MROH7: variants seen among roughly 807,000 people sequenced by gnomAD.
The protein encoded by MROH7 is maestro heat like repeat family member 7, also known as maestro heat-like repeat-containing protein family member 7.
Under a neutral mutation model 129.2 loss-of-function variants are expected in MROH7, and 113 were observed. The ratio of observed to expected loss-of-function variants is 0.87; its 90% CI spans 0.75 to 1.02. The LOEUF (loss-of-function observed/expected upper bound fraction) is 1.02. MROH7 is among the 50% of genes least tolerant of loss of function. The pLI is 0.00. For missense variants in MROH7, 1,601 were observed against 1,671.3 expected, an observed-to-expected ratio of 0.96 and a Z score of 0.73; for synonymous variants, 655 against 667.9, an observed-to-expected ratio of 0.98 and a Z score of 0.30.
chr1:54,665,225 C>T lies in MROH7; in HGVS notation c.1290C>T (p.Gly430=). The T allele has an allele frequency of 6.2e-7, 1 of 1,613,756 alleles. No individual in the cohort carries two copies. Among genetic ancestry groups the T allele is most frequent in the Non-Finnish European group, 8.5e-7 (1 of 1,179,814 alleles). Residue 430 remains glycine, a synonymous_variant, in exon 4 of 24, where the codon GGC becomes GGT. Transcript: ENST00000421030. ...LVKVPEKTEG[G]NNMALVENVT... ...AGGTGCCAGAGAAGACAGAAGGTGGCAACAACATGGCTCTGGTATGCCTCC... is the reference window on the plus strand; with the variant it reads ...AGGTGCCAGAGAAGACAGAAGGTGGTAACAACATGGCTCTGGTATGCCTCC...
At chr1:54,648,040 A>G (rs969516728) in intron 1 of MROH7, among the ~76,000 whole-genome samples, 4 of 151,506 alleles carry the variant, frequency 2.6e-5, no homozygotes, top group Middle Eastern at 3.2e-3. Context: ...CATACAATTT[A>G]TTTAATTATT....
At chr1:54,646,085 A>G (rs1006346186) in intron 1 of MROH7, among the ~76,000 whole-genome samples, 4 of 152,194 alleles carry the variant, frequency 2.6e-5, no homozygotes, top group African/African-American at 9.6e-5. Context: ...GCTCCTGTTT[A>G]TTCCTGCTGG....
At chr1:54,657,066 T>A (rs976585611) in intron 3 of MROH7, among the ~76,000 whole-genome samples, 82 of 150,158 alleles carry the variant, frequency 5.5e-4, no homozygotes, top group Non-Finnish European at 9.8e-4. Flanking sequence ...TTTTTTTTTT[T>A]AGACATGATC....
chr1:54,699,187 C>CTTTCTTTCTT (rs1553176969), intron 17 of MROH7: 6 of 75,968 alleles, frequency 7.9e-5, no homozygotes, highest in Admixed American at 1.3e-4. Flanking sequence ...TTCTTTCTTT[C>CTTTCTTTCTT]TCTTTCTTTC....
Position 54,669,698 on chromosome 1 carries a change from T to C in MROH7, c.1389+761T>C, listed in dbSNP as rs553720271. 3.9e-5 allele frequency among the ~76,000 whole-genome samples: 6 copies of C among 152,268 alleles called. No homozygotes were observed. The East Asian group carries it at 1.2e-3, about 29-fold the overall frequency. The stretch of plus-strand genomic sequence containing the variant: ...GCCACCACACCCAACTAATTCTGTA[T>C]CTTAAAGAAATGGACATTTGGCCAG... On this transcript the variant is annotated intron_variant, in intron 5 of 23. Transcript: ENST00000421030.
intron 21 of MROH7, among the ~76,000 whole-genome samples, chr1:54,705,496 A>G (rs941540260): frequency 6.6e-6 from 1 of 152,176 alleles, no homozygotes; most frequent in Non-Finnish European, 1.5e-5. Context: ...TCTGCTAGAA[A>G]CATCAAGGGT....
rs3765017 is a variant in MROH7 at position 54,702,721 on chromosome 1, A to G, written c.3540A>G (p.Thr1180=). 0.015 allele frequency: 24,481 copies of G among 1,613,410 alleles called. 1,617 individuals carry two copies. In the East Asian group the frequency reaches 0.21, roughly 14 times the overall value. ...SRKPWDNQQQ[T]VAKICKCLVN... is the part of the protein sequence containing the mutation. ...AGCCCTGGGACAACCAACAGCAGAC[A>G]GTGGCCAAAATTTGCAAGTGCCTTG... The change falls in exon 21 of 24, where the codon ACA becomes ACG. Residue 1180 remains threonine, a synonymous_variant. Transcript: ENST00000421030.
At chr1:54,685,536 C>CG (rs1645134723) in intron 14 of MROH7, among the ~76,000 whole-genome samples, 2 of 152,138 alleles carry the variant, frequency 1.3e-5, no homozygotes, top group Admixed American at 6.5e-5. Context: ...CTCCCCACCC[C>CG]CTAGTATTGC....
At chr1:54,661,819 C>T (rs889174333) in intron 3 of MROH7, among the ~76,000 whole-genome samples, 1 of 152,120 alleles carries the variant, frequency 6.6e-6, no homozygotes, top group Non-Finnish European at 1.5e-5. Context: ...TGGTCTTGAA[C>T]TCCTGACCTC....
chr1:54,673,045 C>A, intron 7 of MROH7, 46 bp from the exon 8 acceptor site: 2 of 1,470,122 alleles, frequency 1.4e-6, no homozygotes, highest in South Asian at 1.1e-5. Flanking sequence ...GGGCTGGTGT[C>A]CGCTCCAGAG....
chr1:54,668,693 A>AC (rs1053515809), intron 4 of MROH7, among the ~76,000 whole-genome samples, 161 bp from the exon 5 acceptor site: 3 of 151,902 alleles, frequency 2.0e-5, no homozygotes, highest in African/African-American at 4.8e-5. Context: ...TCCAATCTTT[A>AC]CCCCACCCCA....
chr1:54,648,122 G>A (rs1335993980), intron 1 of MROH7, among the ~76,000 whole-genome samples: 2 of 151,514 alleles, frequency 1.3e-5, no homozygotes, highest in African/African-American at 4.9e-5. Flanking sequence ...GGGCTCAAGT[G>A]ATCCTCCCAC....
At chr1:54,642,126 T>C (rs1644397799) in intron 1 of MROH7, among the ~76,000 whole-genome samples, 158 bp downstream of exon 1, 1 of 152,098 alleles carries the variant, frequency 6.6e-6, no homozygotes, top group Non-Finnish European at 1.5e-5. Context: ...AGAAGAGTCT[T>C]GGAGCCTGGA....
intron 21 of MROH7, 127 bp from the exon 22 acceptor site, chr1:54,706,308 C>T: frequency 1.4e-6 from 1 of 700,992 alleles, no homozygotes; most frequent in South Asian, 1.7e-5. Flanking sequence ...GTGGGGGACT[C>T]ATGCAGAGGG....
chr1:54,678,845 G>C lies in MROH7; in HGVS notation c.2040G>C (p.Arg680=), dbSNP rs1379563919. 1 of 1,613,496 alleles carries C rather than the reference G, an allele frequency of 6.2e-7. No individual in the cohort carries two copies. The highest frequency in any genetic ancestry group is 8.5e-7 in the Non-Finnish European group (1 of 1,179,526). ...NPVSPCQNIL[R]VIEEFGDFLG... ...TGAGCCCGTGCCAGAACATTCTGCG[G>C]GTGATCGAGGTGACTGCCTGGTGCC... The change falls in exon 11 of 24, where the codon CGG becomes CGC. Residue 680 remains arginine, a synonymous_variant. Transcript: ENST00000421030.
At chr1:54,699,854 T>C (rs1301692839) in intron 17 of MROH7, 1 of 499,424 alleles carries the variant, frequency 2.0e-6, no homozygotes, top group South Asian at 3.4e-5. Context: ...AGGGGCAGTG[T>C]CAAGCCTAGC....
At chr1:54,686,118 G>A (rs1286746506) in intron 14 of MROH7, 140 bp from the exon 15 acceptor site, 2 of 674,660 alleles carry the variant, frequency 3.0e-6, no homozygotes, top group East Asian at 2.8e-5. Context: ...CTGGGGGGTG[G>A]GGAATCCCAG....
intron 1 of MROH7, among the ~76,000 whole-genome samples, chr1:54,649,983 CT>C (rs549335155): frequency 8.0e-4 from 122 of 152,304 alleles, no homozygotes; most frequent in Admixed American, 6.0e-3. Context: ...GAACTGCTTG[CT>C]TGGAACTTGC....
At chr1:54,657,119 C>T (rs1007190184) in intron 3 of MROH7, among the ~76,000 whole-genome samples, 7 of 151,000 alleles carry the variant, frequency 4.6e-5, no homozygotes, top group African/African-American at 1.7e-4. Flanking sequence ...ATGATCTTGC[C>T]TCACTGCAAC....
Sources: gnomAD v4.1 joint callset for allele counts (sites outside exome capture counted in the v4.1 genomes callset) on GRCh38, gnomAD v4.1.1 for gene constraint, MANE v1.5 for transcripts, NCBI Gene and HGNC (gene_info 2026-07-23, HGNC 2026-07-21) for gene names.